Variants in BEND7 observed in about 807,000 individuals in gnomAD.
BEND7 encodes BEN domain-containing protein 7.
A neutral mutation model predicts 50.9 loss-of-function variants in BEND7; 28 were observed. That is an observed-to-expected ratio of 0.55 (90% CI 0.41 to 0.75). The LOEUF is 0.75. Ranked by LOEUF, BEND7 falls within the 30% of genes least tolerant of loss-of-function variation. BEND7 has a pLI of 0.00. For synonymous variants in BEND7, 170 were observed against 183.9 expected (o/e 0.92, Z 0.61); for missense variants, 477 against 491.3 (o/e 0.97, Z 0.28).
At chr10:13,499,033 T>C (rs941377293) in intron 3 of BEND7, among the ~76,000 whole-genome samples, 3 of 152,252 alleles carry the variant, frequency 2.0e-5, no homozygotes, top group Admixed American at 1.3e-4. Context: ...ACCTTTTTCT[T>C]GTTCTCTTTG....
chr10:13,475,798 G>A (rs1056991359), intron 6 of BEND7, among the ~76,000 whole-genome samples: 6 of 152,202 alleles, frequency 3.9e-5, no homozygotes, highest in African/African-American at 1.4e-4. Flanking sequence ...TGTTTAGTGT[G>A]CTGCAAAATG....
At chr10:13,460,446 T>TA (rs1163565381) in intron 6 of BEND7, among the ~76,000 whole-genome samples, 1 of 152,190 alleles carries the variant, frequency 6.6e-6, no homozygotes, top group Non-Finnish European at 1.5e-5. Context: ...CTCTCTCTTT[T>TA]AAAGATGGGG....
intron 6 of BEND7, among the ~76,000 whole-genome samples, chr10:13,465,505 T>A (rs554806981): frequency 6.6e-6 from 1 of 152,198 alleles, no homozygotes; most frequent in Non-Finnish European, 1.5e-5. Context: ...TGCTACTCTA[T>A]GGGGCTGTTA....
intron 2 of BEND7, among the ~76,000 whole-genome samples, chr10:13,502,594 T>C (rs996337270): frequency 6.6e-6 from 1 of 152,202 alleles, no homozygotes; most frequent in African/African-American, 2.4e-5. Flanking sequence ...AAAGGAATCC[T>C]GAAAGATAAG....
At chr10:13,507,644 T>C (rs901888703) in intron 2 of BEND7, among the ~76,000 whole-genome samples, 5 of 152,158 alleles carry the variant, frequency 3.3e-5, no homozygotes, top group African/African-American at 1.2e-4. Context: ...AGAAAAACAA[T>C]GAACTGAAAA....
chr10:13,464,003 GA>G (rs2073976769), intron 6 of BEND7, among the ~76,000 whole-genome samples: 1 of 152,250 alleles, frequency 6.6e-6, no homozygotes, highest in African/African-American at 2.4e-5. Context: ...TCAGACTGGT[GA>G]AAATTAAAAT....
intron 6 of BEND7, among the ~76,000 whole-genome samples, chr10:13,474,381 A>T (rs1038316295): frequency 6.6e-6 from 1 of 151,622 alleles, no homozygotes; most frequent in Non-Finnish European, 1.5e-5. Context: ...GATATTCCTC[A>T]TGACTGTTAG....
At chr10:13,458,094 A>T (rs1015112531) in intron 6 of BEND7, among the ~76,000 whole-genome samples, 1 of 152,256 alleles carries the variant, frequency 6.6e-6, no homozygotes, top group Non-Finnish European at 1.5e-5. Context: ...CACAGGGCGT[A>T]TGTTAAGTCA....
chr10:13,458,560 C>T (rs1331557090), intron 6 of BEND7, among the ~76,000 whole-genome samples: 1 of 152,198 alleles, frequency 6.6e-6, no homozygotes, highest in Non-Finnish European at 1.5e-5. Flanking sequence ...AGTCACAGCC[C>T]AGCTTCAGAG....
At chr10:13,529,310 C>T (rs1180228602), upstream of BEND7, among the ~76,000 whole-genome samples, 1 of 151,536 alleles carries the variant, frequency 6.6e-6, no homozygotes, top group Non-Finnish European at 1.5e-5. Context: ...GCCGAGCTAA[C>T]TCCGTGCACC....
At chr10:13,502,292 AAT>A (rs2077528768) in intron 2 of BEND7, among the ~76,000 whole-genome samples, 1 of 152,242 alleles carries the variant, frequency 6.6e-6, no homozygotes, top group Non-Finnish European at 1.5e-5. Context: ...AACATTACAG[AAT>A]ATATTAATTC....
intron 6 of BEND7, among the ~76,000 whole-genome samples, chr10:13,470,083 G>T (rs982073314): frequency 6.6e-6 from 1 of 152,206 alleles, no homozygotes; most frequent in African/African-American, 2.4e-5. Flanking sequence ...CAAAAGGAGA[G>T]AAAATAGGAG....
intron 6 of BEND7, 154 bp downstream of exon 6, chr10:13,480,745 A>G (rs1445961241): frequency 2.0e-6 from 2 of 985,334 alleles, no homozygotes; most frequent in Non-Finnish European, 2.4e-6. Context: ...GTGGTGAATT[A>G]CAGAGCTCAC....
chr10:13,491,696 T>C (rs954134257), intron 5 of BEND7, among the ~76,000 whole-genome samples: 3 of 152,100 alleles, frequency 2.0e-5, no homozygotes, highest in African/African-American at 4.8e-5. Context: ...GGATATACCC[T>C]AGCAAACTGT....
At chr10:13,448,228 A>T (rs889968644) in intron 7 of BEND7, among the ~76,000 whole-genome samples, 9 of 152,202 alleles carry the variant, frequency 5.9e-5, no homozygotes, top group Non-Finnish European at 1.0e-4. Context: ...ATGCGAAAAA[A>T]AAGGTGCACG....
intron 4 of BEND7, among the ~76,000 whole-genome samples, chr10:13,493,338 T>G (rs139012405): frequency 1.6e-4 from 24 of 152,288 alleles, no homozygotes; most frequent in Non-Finnish European, 2.8e-4. Flanking sequence ...CTGATAAAGA[T>G]GAGACAGTGA....
chr10:13,468,893 C>T (rs976649326), intron 6 of BEND7, among the ~76,000 whole-genome samples: 18 of 152,224 alleles, frequency 1.2e-4, no homozygotes, highest in African/African-American at 3.1e-4. Context: ...CCCATGCCAC[C>T]GCCAAGATGA....
At chr10:13,508,291 G>C (rs1433876196) in intron 2 of BEND7, among the ~76,000 whole-genome samples, 1 of 152,230 alleles carries the variant, frequency 6.6e-6, no homozygotes, top group East Asian at 1.9e-4. Context: ...AAAAGCATCA[G>C]TCTATGGAAC....
chr10:13,476,495 A>G (rs1039188650), intron 6 of BEND7, among the ~76,000 whole-genome samples: 1 of 152,240 alleles, frequency 6.6e-6, no homozygotes, highest in African/African-American at 2.4e-5. Flanking sequence ...ACAGTTTGAT[A>G]GTAATAAAAC....
Sources: gnomAD v4.1 joint callset for allele counts (sites outside exome capture counted in the v4.1 genomes callset) on GRCh38, gnomAD v4.1.1 for gene constraint, MANE v1.5 for transcripts, NCBI Gene and HGNC (gene_info 2026-07-23, HGNC 2026-07-21) for gene names.